Variants in RPGRIP1L observed in about 807,000 individuals in gnomAD.
RPGRIP1L encodes the protein RPGRIP1 like, also known as protein fantom.
A neutral mutation model predicts 160.4 loss-of-function variants in RPGRIP1L; 131 were observed. The observed-to-expected ratio is 0.82, with a 90% CI of 0.71 to 0.94. The LOEUF (loss-of-function observed/expected upper bound fraction) is 0.94, where lower values mean the gene tolerates loss of function less well. Among genes scored for constraint, RPGRIP1L ranks in the 40% least tolerant of loss-of-function variants. RPGRIP1L has a pLI of 0.00. For synonymous variants in RPGRIP1L, 510 were observed against 515.8 expected (o/e 0.99, Z 0.15); for missense variants, 1,522 against 1,535.8 (o/e 0.99, Z 0.15).
intron 1 of RPGRIP1L, among the ~76,000 whole-genome samples, chr16:53,702,456 C>G (rs995835636): frequency 2.6e-4 from 39 of 152,304 alleles, no homozygotes; most frequent in African/African-American, 9.4e-4. Flanking sequence ...CACAATGCTG[C>G]AATGCCTCTC....
At chr16:53,665,108 C>CGG (rs1221487305) in intron 9 of RPGRIP1L, 99 bp from the exon 10 acceptor site, 2 of 1,409,740 alleles carry the variant, frequency 1.4e-6, no homozygotes, top group Non-Finnish European at 2.0e-6. Context: ...CCACTGTCAT[C>CGG]ATGTCTTAGG....
chr16:53,700,751 A>C, intron 1 of RPGRIP1L, 21 bp from the exon 2 acceptor site: 1 of 1,568,204 alleles, frequency 6.4e-7, no homozygotes, highest in African/African-American at 1.3e-5. Context: ...AAGAAAATTC[A>C]AATAAACTCT....
Position 53,671,585 on chromosome 16 carries a change from T to A in RPGRIP1L, c.1030-2A>T. The A allele has an allele frequency of 6.8e-7, 1 of 1,472,022 alleles. No individual in the cohort carries two copies. Among genetic ancestry groups the A allele is most frequent in the Non-Finnish European group, 9.4e-7 (1 of 1,058,988 alleles). 91.2% of individuals were successfully genotyped at this position (1,472,022 alleles called of 1,614,324 possible). A position where few individuals can be genotyped will look rare whatever the true frequency, so the allele number is the denominator to read the frequency against. On this transcript the variant is annotated splice_acceptor_variant, in intron 8 of 26. Transcript: ENST00000647211. LOFTEE classifies it high-confidence loss of function. ...TAAATCATTAATTCTATCCTGCAGCTAAAATGAAAATAAAATTACATATTA... is the reference window on the plus strand; with the variant it reads ...TAAATCATTAATTCTATCCTGCAGCAAAAATGAAAATAAAATTACATATTA...
At chr16:53,651,595 T>TG in intron 15 of RPGRIP1L, among the ~76,000 whole-genome samples, 1 of 152,186 alleles carries the variant, frequency 6.6e-6, no homozygotes, top group Non-Finnish European at 1.5e-5. Context: ...TTTTTGCACT[T>TG]GCTATTGCCT....
At chr16:53,618,943 A>C in intron 24 of RPGRIP1L, 82 bp downstream of exon 24, 2 of 1,148,160 alleles carry the variant, frequency 1.7e-6, no homozygotes, top group East Asian at 2.4e-5. Context: ...AGAGAAATAA[A>C]CTTTCTCTCT....
At chr16:53,686,659 TG>T in intron 5 of RPGRIP1L, 83 bp from the exon 6 acceptor site, 1 of 1,421,290 alleles carries the variant, frequency 7.0e-7, no homozygotes, top group East Asian at 2.3e-5. Context: ...AAGTTCTTCA[TG>T]AAAAAGAGCA....
At chr16:53,666,566 ATGTGTG>A (rs112955038) in intron 9 of RPGRIP1L, among the ~76,000 whole-genome samples, 2 of 136,716 alleles carry the variant, frequency 1.5e-5, no homozygotes, top group Admixed American at 8.1e-5. Context: ...GAGTACATCT[ATGTGTG>A]TGTGTGTGTG....
intron 1 of RPGRIP1L, among the ~76,000 whole-genome samples, chr16:53,702,718 A>T (rs1971545796): frequency 1.4e-5 from 2 of 140,264 alleles, no homozygotes; most frequent in Non-Finnish European, 3.1e-5. Flanking sequence ...GGGTCTTGCT[A>T]TGTTGCCCGG....
chr16:53,681,683 C>T (rs1158209123), intron 6 of RPGRIP1L, among the ~76,000 whole-genome samples: 1 of 152,120 alleles, frequency 6.6e-6, no homozygotes, highest in African/African-American at 2.4e-5. Context: ...GACTTCAAAG[C>T]AATTAAGGGC....
intron 6 of RPGRIP1L, among the ~76,000 whole-genome samples, chr16:53,678,503 T>C (rs1265281646): frequency 2.2e-4 from 33 of 152,136 alleles, no homozygotes; most frequent in Admixed American, 2.1e-3. Flanking sequence ...AGCAAAAACT[T>C]TGCTCCAGTG....
At chr16:53,665,732 G>T (rs1968191381) in intron 9 of RPGRIP1L, among the ~76,000 whole-genome samples, 1 of 152,108 alleles carries the variant, frequency 6.6e-6, no homozygotes, top group Non-Finnish European at 1.5e-5. Flanking sequence ...TCAGAAGAAA[G>T]AACTGGTTGA....
chr16:53,612,733 G>T (rs775760097), intron 24 of RPGRIP1L, among the ~76,000 whole-genome samples: 2 of 151,808 alleles, frequency 1.3e-5, no homozygotes, highest in Non-Finnish European at 2.9e-5. Flanking sequence ...TTTTATTGTG[G>T]TAAAATACAC....
At chr16:53,701,254 G>A (rs1473640425) in intron 1 of RPGRIP1L, among the ~76,000 whole-genome samples, 1 of 152,092 alleles carries the variant, frequency 6.6e-6, no homozygotes, top group African/African-American at 2.4e-5. Context: ...AATATTGTCT[G>A]CTTGATGTAC....
At chr16:53,668,014 C>A (rs560384660) in intron 9 of RPGRIP1L, among the ~76,000 whole-genome samples, 5 of 150,984 alleles carry the variant, frequency 3.3e-5, no homozygotes, top group Admixed American at 2.0e-4. Flanking sequence ...GCTATGATTG[C>A]GCCACTGCCC....
intron 16 of RPGRIP1L, among the ~76,000 whole-genome samples, chr16:53,648,640 A>ACG: frequency 6.6e-6 from 1 of 151,888 alleles, no homozygotes; most frequent in Admixed American, 6.6e-5. Flanking sequence ...ACACACACAC[A>ACG]CACACACACA....
At chr16:53,672,814 A>C in intron 8 of RPGRIP1L, 56 bp downstream of exon 8, 1 of 1,525,904 alleles carries the variant, frequency 6.6e-7, no homozygotes, top group East Asian at 2.3e-5. Flanking sequence ...TACTTTTTCA[A>C]AACAGTTACC....
intron 22 of RPGRIP1L, among the ~76,000 whole-genome samples, chr16:53,633,110 T>G (rs1176555703): frequency 6.6e-6 from 1 of 152,208 alleles, no homozygotes; most frequent in African/African-American, 2.4e-5. Context: ...CAGTAATACA[T>G]TCCTTCCTAT....
chr16:53,615,978 T>C (rs1336022903), intron 24 of RPGRIP1L, among the ~76,000 whole-genome samples: 1 of 152,182 alleles, frequency 6.6e-6, no homozygotes, highest in Non-Finnish European at 1.5e-5. Flanking sequence ...ATGAATAATC[T>C]AGGGAATCAC....
At chr16:53,696,322 G>A in intron 2 of RPGRIP1L, 27 bp from the exon 3 acceptor site, 1 of 1,611,764 alleles carries the variant, frequency 6.2e-7, no homozygotes, top group Non-Finnish European at 8.5e-7. Flanking sequence ...ATAATTAATT[G>A]TGAGGTTACT....
Sources: gnomAD v4.1 joint callset for allele counts (sites outside exome capture counted in the v4.1 genomes callset) on GRCh38, gnomAD v4.1.1 for gene constraint, MANE v1.5 for transcripts, NCBI Gene and HGNC (gene_info 2026-07-23, HGNC 2026-07-21) for gene names.